Variants in PHACTR1 observed in about 807,000 individuals in gnomAD.
PHACTR1 encodes RPEL repeat containing 1.
Under a neutral mutation model 69.2 loss-of-function variants are expected in PHACTR1, and 16 were observed. That is an observed-to-expected ratio of 0.23 (90% CI 0.16 to 0.35). The LOEUF (loss-of-function observed/expected upper bound fraction) is 0.35, where lower values mean the gene tolerates loss of function less well. PHACTR1 is among the 10% of genes least tolerant of loss of function. The pLI, the probability that PHACTR1 is intolerant of heterozygous loss-of-function variation, is 1.00. For missense variants in PHACTR1, 510 were observed against 734.7 expected (o/e 0.69, Z 3.54); for synonymous variants, 312 against 284.5 (o/e 1.10, Z -0.97).
In PHACTR1 at chr6:13,230,026, G is replaced by A; in HGVS notation, c.1235-11G>A. On this transcript the variant is annotated splice_polypyrimidine_tract_variant and intron_variant, in intron 9 of 14. Transcript: ENST00000332995. ...TGTAAGCCTTAATTGACTCATTTCTGTCTCCTACAGGCTCCCTGGCCATGA... is the reference window on the plus strand; with the variant it reads ...TGTAAGCCTTAATTGACTCATTTCTATCTCCTACAGGCTCCCTGGCCATGA... 2 of 1,599,464 alleles carry A rather than the reference G, an allele frequency of 1.3e-6. No homozygotes were observed. Among genetic ancestry groups the A allele is most frequent in the Non-Finnish European group, 1.7e-6 (2 of 1,172,766 alleles).
chr6:12,877,515 C>T (rs1364583624), intron 4 of PHACTR1, among the ~76,000 whole-genome samples: 1 of 152,150 alleles, frequency 6.6e-6, no homozygotes, highest in Non-Finnish European at 1.5e-5. Flanking sequence ...ACCGGAGCAT[C>T]CAGCATACAG....
chr6:12,919,821 T>A (rs1426527416), intron 4 of PHACTR1, among the ~76,000 whole-genome samples: 2 of 152,202 alleles, frequency 1.3e-5, no homozygotes, highest in Non-Finnish European at 2.9e-5. Flanking sequence ...CTTTTGCGTC[T>A]TTTGTTTTTA....
At chr6:13,228,087 CAGGGGTGGGG>C in intron 9 of PHACTR1, 24 bp downstream of exon 9, 1 of 1,597,782 alleles carries the variant, frequency 6.3e-7, no homozygotes, top group Non-Finnish European at 8.5e-7. Flanking sequence ...AACTCATCAC[CAGGGGTGGGG>C]AAGCATGCTA....
At chr6:13,120,431 TA>T (rs1818531510) in intron 5 of PHACTR1, among the ~76,000 whole-genome samples, 1 of 152,200 alleles carries the variant, frequency 6.6e-6, no homozygotes, top group Admixed American at 6.5e-5. Context: ...ATGATGATCT[TA>T]AATGAGTTAA....
chr6:13,264,367 C>T (rs1277552787), intron 10 of PHACTR1, among the ~76,000 whole-genome samples: 1 of 152,152 alleles, frequency 6.6e-6, no homozygotes, highest in Non-Finnish European at 1.5e-5. Flanking sequence ...TCCCTCCACC[C>T]CCCACCATCT....
intron 5 of PHACTR1, among the ~76,000 whole-genome samples, chr6:13,133,237 CT>C: frequency 1.6e-5 from 1 of 60,756 alleles, no homozygotes; most frequent in African/African-American, 5.9e-5. Flanking sequence ...CCCCCTCTCC[CT>C]CTCCCTTTCC....
chr6:13,024,495 C>T (rs1306899588), intron 4 of PHACTR1, among the ~76,000 whole-genome samples: 2 of 152,144 alleles, frequency 1.3e-5, no homozygotes, highest in Non-Finnish European at 2.9e-5. Flanking sequence ...TCAAGAATCA[C>T]GTCTGCAAAT....
chr6:12,730,484 AAAAAAAACCTC>A (rs541376190), intron 3 of PHACTR1, among the ~76,000 whole-genome samples: 1,706 of 152,270 alleles, frequency 0.011, 34 homozygotes, highest in South Asian at 0.066. Flanking sequence ...ATTTAAAAAA[AAAAAAAACCTC>A]AATGCAGCTC....
intron 4 of PHACTR1, among the ~76,000 whole-genome samples, chr6:13,000,154 T>C (rs143081538): frequency 4.5e-4 from 68 of 152,290 alleles, no homozygotes; most frequent in Middle Eastern, 3.4e-3. Context: ...TCCAGAAAGA[T>C]ATGAAGAAAG....
intron 5 of PHACTR1, among the ~76,000 whole-genome samples, chr6:13,081,550 C>G (rs1811377099): frequency 6.6e-6 from 1 of 152,154 alleles, no homozygotes; most frequent in South Asian, 2.1e-4. Context: ...AGCAGCCAGG[C>G]TGGGGTCATG....
At chr6:13,273,483 G>A (rs1410615135) in intron 11 of PHACTR1, 4 of 152,390 alleles carry the variant, frequency 2.6e-5, no homozygotes, top group African/African-American at 4.8e-5. Flanking sequence ...GCTCTCATTC[G>A]AGGAAAACTG....
At chr6:12,804,821 A>T (rs1304290982) in intron 4 of PHACTR1, among the ~76,000 whole-genome samples, 1 of 152,204 alleles carries the variant, frequency 6.6e-6, no homozygotes, top group African/African-American at 2.4e-5. Flanking sequence ...ATTTTATTAA[A>T]TCATTTTGTC....
At chr6:12,860,197 G>A (rs770128598) in intron 4 of PHACTR1, among the ~76,000 whole-genome samples, 1 of 151,980 alleles carries the variant, frequency 6.6e-6, no homozygotes, top group South Asian at 2.1e-4. Flanking sequence ...ATTCCCCTCG[G>A]TGCCCATATG....
intron 5 of PHACTR1, among the ~76,000 whole-genome samples, chr6:13,155,150 T>C (rs1478119338): frequency 6.6e-6 from 1 of 152,200 alleles, no homozygotes; most frequent in Non-Finnish European, 1.5e-5. Flanking sequence ...TTAGAAGGCC[T>C]CTGAGATTTC....
chr6:12,814,340 C>T (rs1775340831), intron 4 of PHACTR1, among the ~76,000 whole-genome samples: 3 of 152,190 alleles, frequency 2.0e-5, no homozygotes, highest in East Asian at 1.9e-4. Flanking sequence ...CTCAATGTCC[C>T]GATCTTCATT....
At chr6:12,949,900 C>T (rs534016747) in intron 4 of PHACTR1, among the ~76,000 whole-genome samples, 4 of 152,290 alleles carry the variant, frequency 2.6e-5, no homozygotes, top group South Asian at 2.1e-4. Flanking sequence ...CTCATCCCCA[C>T]GGCTGATAGA....
At chr6:13,013,010 T>C (rs539565025) in intron 4 of PHACTR1, among the ~76,000 whole-genome samples, 3 of 152,358 alleles carry the variant, frequency 2.0e-5, no homozygotes, top group East Asian at 1.9e-4. Flanking sequence ...CACAACACTC[T>C]AGCGATAGAG....
chr6:13,031,497 A>T (rs949728306), intron 4 of PHACTR1, among the ~76,000 whole-genome samples: 1 of 152,234 alleles, frequency 6.6e-6, no homozygotes, highest in African/African-American at 2.4e-5. Flanking sequence ...TTCTATTAAA[A>T]CTTTAAGATG....
At chr6:13,134,760 T>C (rs1221461245) in intron 5 of PHACTR1, among the ~76,000 whole-genome samples, 1 of 115,834 alleles carries the variant, frequency 8.6e-6, no homozygotes, top group African/African-American at 3.5e-5. Flanking sequence ...CAAATCCCCC[T>C]CTCCGAGAAA....
Sources: allele counts gnomAD v4.1 joint callset (sites outside exome capture counted in the v4.1 genomes callset), GRCh38; gene constraint gnomAD v4.1.1; transcripts MANE v1.5; gene names NCBI Gene and HGNC (gene_info 2026-07-23, HGNC 2026-07-21).